SLC19A1: variants seen among roughly 807,000 people sequenced by gnomAD.
SLC19A1 encodes the protein reduced folate transporter.
In SLC19A1, 37 loss-of-function variants were observed where a neutral mutation model predicts 35.3. The observed-to-expected ratio is 1.05, with a 90% CI of 0.81 to 1.38. The LOEUF (loss-of-function observed/expected upper bound fraction) is 1.38, where lower values mean the gene tolerates loss of function less well. Among genes scored for constraint, SLC19A1 ranks in the 40% most tolerant of loss-of-function variants. SLC19A1 has a pLI of 0.00. For synonymous variants in SLC19A1, 460 were observed against 398.5 expected (o/e 1.15, Z -1.84); for missense variants, 831 against 826.9 (o/e 1.00, Z -0.06).
intron 3 of SLC19A1, chr21:45,504,040 G>C (rs2037031675): frequency 6.2e-7 from 1 of 1,613,672 alleles, no homozygotes; most frequent in Non-Finnish European, 8.5e-7. Flanking sequence ...TCTTCAGTTG[G>C]AGGCTGAAAT....
chr21:45,545,251 C>A (rs1162772971), upstream of SLC19A1, among the ~76,000 whole-genome samples: 1 of 152,112 alleles, frequency 6.6e-6, no homozygotes. Flanking sequence ...TGGGGCCTGG[C>A]GGGAGGTGTT....
intron 3 of SLC19A1, chr21:45,505,583 A>G (rs940205978): frequency 2.2e-5 from 15 of 679,534 alleles, no homozygotes; most frequent in South Asian, 3.2e-5. Context: ...GGGCCAGGCC[A>G]TGGGGGAATC....
Position 45,505,205 on chromosome 21 carries a change from C to T in SLC19A1, c.498-6593G>A, listed in dbSNP as rs768583096. 2.7e-5 allele frequency: 44 copies of T among 1,603,210 alleles called. No individual in the cohort carries two copies. The highest frequency in any genetic ancestry group is 3.2e-5 in the Non-Finnish European group (38 of 1,176,072). ...CTCAGGGACCCCCCGGCATCGGCTA[C>T]GAGGGGCGCCAGGGCCCTCCCGGCC... On this transcript the variant is annotated intron_variant, in intron 3 of 4. Transcript: ENST00000417954.
downstream of SLC19A1, among the ~76,000 whole-genome samples, chr21:45,510,605 C>A (rs1030073042): frequency 6.6e-6 from 1 of 152,120 alleles, no homozygotes. Context: ...AGCCTGGAAT[C>A]AGGAACCGTC....
rs1400452705 is a variant in SLC19A1 at position 45,534,316 on chromosome 21, AAAG to A, written c.190-2171_190-2169del. ...GCCCAGGGAACCCCTGCAGATTCCG[AAAG>A]AAGCGGCTCAGAGGCAGGGGTCCTC... On this transcript the variant is annotated intron_variant, in intron 2 of 5. Coordinates refer to ENST00000311124, the MANE Select transcript of SLC19A1 (RefSeq NM_194255.4). This position sits in a 1 kb window ranked among gnomAD's most constrained non-coding sequence, Gnocchi z 4.2. Among the ~76,000 whole-genome samples the A allele has an allele frequency of 2.6e-5, 4 of 152,062 alleles. No homozygotes were observed. Among genetic ancestry groups the A allele is most frequent in the Admixed American group, 6.5e-5 (1 of 15,274 alleles).
downstream of SLC19A1, chr21:45,512,081 G>A: frequency 7.9e-7 from 1 of 1,258,338 alleles, no homozygotes; most frequent in Non-Finnish European, 1.1e-6. Context: ...CAGCCCCCTG[G>A]TAACCCCAGG....
chr21:45,535,759 A>C (rs2078090924), intron 2 of SLC19A1, among the ~76,000 whole-genome samples: 1 of 152,232 alleles, frequency 6.6e-6, no homozygotes, highest in South Asian at 2.1e-4. Context: ...CCTCCAGCAA[A>C]GCAGCAGATA....
chr21:45,516,380 C>G (rs532387477), intron 5 of SLC19A1, among the ~76,000 whole-genome samples: 1 of 152,216 alleles, frequency 6.6e-6, no homozygotes, highest in Admixed American at 6.5e-5. Context: ...AAGAACCCCT[C>G]GGAACCTGGC....
rs759135376 is a variant in SLC19A1, at chr21:45,515,984, G to A, written c.1450C>T (p.Leu484=). 2 of 1,562,052 alleles carry A rather than the reference G, an allele frequency of 1.3e-6. No homozygotes were observed. Among genetic ancestry groups the A allele is most frequent in the East Asian group, 2.3e-5 (1 of 42,844 alleles). Residue 484 remains leucine (L), a synonymous_variant, in exon 6 of 6, where the codon CTG becomes TTG. Coordinates refer to ENST00000311124, the MANE Select transcript of SLC19A1 (RefSeq NM_194255.4). ...CCGAGGCCCTTGTCCTGCACGCTCAGTGCCTGTGCTGCCTTCTCCTCCGCG... is the reference window on the plus strand; with the variant it reads ...CCGAGGCCCTTGTCCTGCACGCTCAATGCCTGTGCTGCCTTCTCCTCCGCG... ...SAAEEKAAQA[L]SVQDKGLGGL... is the part of the protein sequence containing the mutation.
Position 45,515,324 on chromosome 21 carries a change from T to C in SLC19A1, c.*334A>G, listed in dbSNP as rs74737952. Reference sequence around the variant, plus strand: ...CTGAGCTGGTATCCAAGAGGCCACTTCACTAGCCCTGGGGGGCAGAAAGGA... The same window carrying C: ...CTGAGCTGGTATCCAAGAGGCCACTCCACTAGCCCTGGGGGGCAGAAAGGA... On this transcript the variant is annotated 3_prime_UTR_variant, in exon 6 of 6. Transcript: ENST00000311124. 13,791 of 1,452,896 alleles carry C rather than the reference T, an allele frequency of 9.5e-3. 75 individuals carry two copies. Among genetic ancestry groups the C allele is most frequent in the Non-Finnish European group, 0.011 (12,526 of 1,114,292 alleles). 90.0% of individuals were successfully genotyped at this position (1,452,896 alleles called of 1,614,324 possible). A position where few individuals can be genotyped will look rare whatever the true frequency, so the allele number is the denominator to read the frequency against.
Position 45,531,902 on chromosome 21 carries a change from G to A in SLC19A1, c.436C>T (p.Pro146Ser), listed in dbSNP as rs771242705. ...CCGGCCACACGCTGGTAGCGCGCGG[G>A]CCGCACGAGAGAGAAGATGTAGGAG... ...YSSYIFSLVRPARYQRVAGYS... is the reference protein window; with the variant it reads ...YSSYIFSLVRSARYQRVAGYS... Residue 146 changes from proline (P) to serine (S), a missense_variant, in exon 3 of 6, where the codon CCC becomes TCC. Pro to Ser is a moderately conservative substitution (Grantham distance 74, BLOSUM62 -1). Coordinates refer to ENST00000311124, the MANE Select transcript of SLC19A1 (RefSeq NM_194255.4). 1.0e-5 allele frequency: 16 copies of A among 1,590,324 alleles called. No individual in the cohort carries two copies. The highest frequency in any genetic ancestry group is 8.9e-5 in the Admixed American group (5 of 56,156).
chr21:45,550,552 G>A (rs1341483468), intron 1 of SLC19A1, among the ~76,000 whole-genome samples: 1 of 152,202 alleles, frequency 6.6e-6, no homozygotes, highest in African/African-American at 2.4e-5. Flanking sequence ...GGGCAGGATG[G>A]AGCTCAGTTC....
chr21:45,506,054 G>A (rs112864061), intron 3 of SLC19A1: 28,939 of 1,593,586 alleles, frequency 0.018, 391 homozygotes, highest in Middle Eastern at 0.048. Context: ...CTCAGGCCCC[G>A]GACAGGGATG....
At chr21:45,509,620 TG>T, downstream of SLC19A1, 1 of 1,337,038 alleles carries the variant, frequency 7.5e-7, no homozygotes, top group Non-Finnish European at 1.0e-6. Flanking sequence ...CCCCCCAAAG[TG>T]GGCTTGGCTC....
intron 3 of SLC19A1, among the ~76,000 whole-genome samples, chr21:45,503,243 A>G (rs938493485): frequency 1.3e-5 from 2 of 151,202 alleles, no homozygotes; most frequent in African/African-American, 4.9e-5. Context: ...TTGTTTCCTT[A>G]CTTTTTAACG....
At chr21:45,525,395 GA>G (rs1203883824) in intron 5 of SLC19A1, among the ~76,000 whole-genome samples, 2 of 152,252 alleles carry the variant, frequency 1.3e-5, no homozygotes, top group Non-Finnish European at 2.9e-5. Flanking sequence ...CGAGAGGTGG[GA>G]AAGGGGAGGG....
At position 45,517,126 on chromosome 21, in the gene SLC19A1, G is replaced by T. The variant is rs2053611451; in HGVS notation, c.1294-986C>A. ...GAGCTGTGCCACGCAAGGACAGACT[G>T]TGCCACGCAGAGCTCCCTGGGGGCT... On this transcript the variant is annotated intron_variant, in intron 5 of 5. Transcript: ENST00000311124. This position sits in a 1 kb window ranked among gnomAD's most constrained non-coding sequence, Gnocchi z 4.4. 6.6e-6 allele frequency among the ~76,000 whole-genome samples: 1 copy of T among 152,212 alleles called. No homozygotes were observed. The highest frequency in any genetic ancestry group is 1.5e-5 in the Non-Finnish European group (1 of 68,040).
chr21:45,555,184 AGGGGGCGGCGGGGGCGGCG>A (rs1569031871), intron 1 of SLC19A1, among the ~76,000 whole-genome samples: 1 of 13,698 alleles, frequency 7.3e-5, no homozygotes, highest in Non-Finnish European at 1.2e-4. Context: ...GGGGCGGTGC[AGGGGGCGGCGGGGGCGGCG>A]CAGGGGGCGG....
At chr21:45,525,400 G>A (rs1343428060) in intron 5 of SLC19A1, among the ~76,000 whole-genome samples, 2 of 152,242 alleles carry the variant, frequency 1.3e-5, no homozygotes, top group Non-Finnish European at 1.5e-5. Context: ...GGTGGGAAAG[G>A]GGAGGGCACC....
Sources: allele counts gnomAD v4.1 joint callset (sites outside exome capture counted in the v4.1 genomes callset), GRCh38; gene constraint gnomAD v4.1.1; non-coding constraint Gnocchi (gnomAD v3.1); transcripts MANE v1.5; gene names NCBI Gene and HGNC (gene_info 2026-07-23, HGNC 2026-07-21).